GRID1: variants seen among roughly 807,000 people sequenced by gnomAD.
The protein encoded by GRID1 is glutamate ionotropic receptor delta type subunit 1, also known as glutamate receptor ionotropic, delta-1.
In GRID1, 28 loss-of-function variants were observed where a neutral mutation model predicts 98.0. That is an observed-to-expected ratio of 0.29 (90% CI 0.21 to 0.39). The LOEUF is 0.39. GRID1 is among the 10% of genes least tolerant of loss of function. GRID1 has a pLI of 1.00. For missense variants in GRID1, 1,111 were observed against 1,340.5 expected, an observed-to-expected ratio of 0.83 and a Z score of 2.67; for synonymous variants, 553 against 538.5, an observed-to-expected ratio of 1.03 and a Z score of -0.37.
chr10:85,731,104 A>G (rs1018548905), intron 8 of GRID1, among the ~76,000 whole-genome samples: 2 of 152,206 alleles, frequency 1.3e-5, no homozygotes, highest in South Asian at 2.1e-4. Flanking sequence ...AGCCCTGACT[A>G]TAAGGCCATA....
At chr10:85,900,061 CT>C (rs1220353931) in intron 5 of GRID1, among the ~76,000 whole-genome samples, 1 of 152,230 alleles carries the variant, frequency 6.6e-6, no homozygotes, top group Admixed American at 6.5e-5. Context: ...ACTACAGTCT[CT>C]GTAAACCCTC....
intron 13 of GRID1, among the ~76,000 whole-genome samples, chr10:85,627,064 T>C (rs1018537902): frequency 2.0e-5 from 3 of 152,152 alleles, no homozygotes; most frequent in Non-Finnish European, 4.4e-5. Context: ...GGGAATCAGA[T>C]AGGTGAATGA....
intron 4 of GRID1, among the ~76,000 whole-genome samples, chr10:85,984,384 C>T (rs934528488): frequency 4.6e-5 from 7 of 152,212 alleles, no homozygotes; most frequent in African/African-American, 7.2e-5. Flanking sequence ...ATTCTAGTCT[C>T]CATCTACCAC....
chr10:85,757,489 A>C (rs1272686743), intron 8 of GRID1, among the ~76,000 whole-genome samples: 3 of 152,222 alleles, frequency 2.0e-5, no homozygotes, highest in Non-Finnish European at 4.4e-5. Flanking sequence ...GGGAGGCAAT[A>C]AGAGACCACC....
At chr10:86,287,515 G>A (rs1847449281) in intron 2 of GRID1, among the ~76,000 whole-genome samples, 1 of 152,164 alleles carries the variant, frequency 6.6e-6, no homozygotes, top group Admixed American at 6.5e-5. Context: ...GATCAAATGG[G>A]CTTGTGCACC....
chr10:86,294,383 C>T (rs71471194), intron 2 of GRID1, among the ~76,000 whole-genome samples: 1 of 152,124 alleles, frequency 6.6e-6, no homozygotes, highest in Non-Finnish European at 1.5e-5. Context: ...GCACCAGCAT[C>T]TTTCTGGTGC....
chr10:86,258,023 G>A (rs778885085), intron 2 of GRID1, among the ~76,000 whole-genome samples: 70 of 152,180 alleles, frequency 4.6e-4, no homozygotes, highest in Non-Finnish European at 9.3e-4. Context: ...TTGGTGTCCC[G>A]CCTCCAGCCC....
At chr10:86,342,636 G>A (rs922944615) in intron 2 of GRID1, among the ~76,000 whole-genome samples, 1 of 152,244 alleles carries the variant, frequency 6.6e-6, no homozygotes, top group Non-Finnish European at 1.5e-5. Flanking sequence ...AGAACAGGAA[G>A]TTTGGCCCAG....
chr10:85,902,485 T>G (rs1421406672), intron 5 of GRID1, among the ~76,000 whole-genome samples: 1 of 152,206 alleles, frequency 6.6e-6, no homozygotes, highest in Non-Finnish European at 1.5e-5. Flanking sequence ...ACAACTGCAA[T>G]AAATTAACAA....
chr10:86,089,803 A>G (rs563955265), intron 4 of GRID1, among the ~76,000 whole-genome samples: 39 of 152,072 alleles, frequency 2.6e-4, no homozygotes, highest in Middle Eastern at 3.4e-3. Flanking sequence ...CTGGAGTGCA[A>G]TGGCGTGATC....
At chr10:85,619,178 T>A (rs1158100710) in intron 14 of GRID1, among the ~76,000 whole-genome samples, 1 of 152,158 alleles carries the variant, frequency 6.6e-6, no homozygotes, top group East Asian at 1.9e-4. Context: ...GGAGCCCCTG[T>A]TTGCAGGCTG....
At chr10:86,110,649 CTCT>C (rs1333873507) in intron 4 of GRID1, among the ~76,000 whole-genome samples, 1 of 152,190 alleles carries the variant, frequency 6.6e-6, no homozygotes, top group Non-Finnish European at 1.5e-5. Flanking sequence ...TCAGGCACCA[CTCT>C]TCTTCCCCTC....
chr10:86,034,962 T>TTGGATGGA (rs926176657), intron 4 of GRID1, among the ~76,000 whole-genome samples: 1 of 144,432 alleles, frequency 6.9e-6, no homozygotes, highest in African/African-American at 2.6e-5. Flanking sequence ...GGATAGATGG[T>TTGGATGGA]TGGATGGATG....
chr10:85,861,633 T>C (rs1843164745), intron 6 of GRID1, among the ~76,000 whole-genome samples: 1 of 152,194 alleles, frequency 6.6e-6, no homozygotes, highest in South Asian at 2.1e-4. Context: ...GACATTCACA[T>C]AGCAAGGCTG....
intron 12 of GRID1, among the ~76,000 whole-genome samples, chr10:85,668,358 A>G (rs1030549125): frequency 6.6e-6 from 1 of 152,162 alleles, no homozygotes; most frequent in Non-Finnish European, 1.5e-5. Context: ...CCTTGTGGGC[A>G]TCTGTGGGCT....
At chr10:86,055,253 AC>A (rs1843556944) in intron 4 of GRID1, among the ~76,000 whole-genome samples, 1 of 152,246 alleles carries the variant, frequency 6.6e-6, no homozygotes, top group South Asian at 2.1e-4. Flanking sequence ...GCAATAAATA[AC>A]TGGATACAGG....
chr10:85,655,002 G>A (rs925878920), intron 12 of GRID1, among the ~76,000 whole-genome samples: 1 of 152,218 alleles, frequency 6.6e-6, no homozygotes, highest in African/African-American at 2.4e-5. Context: ...GCTAAGCCAA[G>A]TCAGGAGCTC....
chr10:86,364,553 C>CT (rs11413428), intron 1 of GRID1, among the ~76,000 whole-genome samples: 91,716 of 152,080 alleles, frequency 0.6, 29,647 homozygotes, highest in African/African-American at 0.83. Context: ...ATGATGGGTC[C>CT]TTCTCCATGC....
At chr10:85,750,489 GTAAT>G (rs1370056305) in intron 8 of GRID1, among the ~76,000 whole-genome samples, 2 of 152,174 alleles carry the variant, frequency 1.3e-5, no homozygotes, top group Non-Finnish European at 2.9e-5. Context: ...AAGAGAATAA[GTAAT>G]TAGCTAGCAA....
Sources: allele counts gnomAD v4.1 joint callset (sites outside exome capture counted in the v4.1 genomes callset), GRCh38; gene constraint gnomAD v4.1.1; transcripts MANE v1.5; gene names NCBI Gene and HGNC (gene_info 2026-07-23, HGNC 2026-07-21).